C6: variants seen among roughly 807,000 people sequenced by gnomAD.
The protein encoded by C6 is complement component C6.
In C6, 101 loss-of-function variants were observed where a neutral mutation model predicts 112.9. That is an observed-to-expected ratio of 0.89 (90% CI 0.76 to 1.06). The LOEUF is 1.06. Ranked by LOEUF, C6 falls within the 50% of genes least tolerant of loss-of-function variation. The pLI is 0.00. For missense variants in C6, 1,202 were observed against 1,104.6 expected, an observed-to-expected ratio of 1.09 and a Z score of -1.25; for synonymous variants, 431 against 384.1, an observed-to-expected ratio of 1.12 and a Z score of -1.43.
intron 2 of C6, 146 bp downstream of exon 2, chr5:41,202,942 G>A (rs1444618931): frequency 1.2e-6 from 1 of 830,150 alleles, no homozygotes; most frequent in Non-Finnish European, 2.1e-6. Context: ...CCTCATAAGA[G>A]AGAGACTTCA....
chr5:41,153,204 G>C (rs1746575773), intron 15 of C6, among the ~76,000 whole-genome samples: 1 of 152,116 alleles, frequency 6.6e-6, no homozygotes, highest in African/African-American at 2.4e-5. Flanking sequence ...CCCCTTATTG[G>C]TCTTTCTGTC....
At chr5:41,225,529 C>T (rs112214946) in intron 1 of C6, among the ~76,000 whole-genome samples, 3,676 of 152,182 alleles carry the variant, frequency 0.024, 145 homozygotes, top group African/African-American at 0.083. Context: ...AATAAACATA[C>T]GAATGCATGT....
chr5:41,208,376 A>G (rs1433180581), intron 1 of C6, among the ~76,000 whole-genome samples: 1 of 152,236 alleles, frequency 6.6e-6, no homozygotes, highest in African/African-American at 2.4e-5. Flanking sequence ...AGATCAGAGC[A>G]GAACTGAAGG....
In C6 at chr5:41,176,788, T is replaced by C. The variant is rs1016202958; in HGVS notation, c.928-73A>G. The C allele has an allele frequency of 6.0e-5, 81 of 1,353,072 alleles. No homozygotes were observed. In the African/African-American group the frequency reaches 9.1e-4, roughly 15 times the overall value. The allele number at this position is 1,353,072 out of a possible 1,614,324, so 83.8% of individuals were successfully genotyped here. On this transcript the variant is annotated intron_variant, in intron 7 of 17. Transcript: ENST00000337836. Reference sequence around the variant, plus strand: ...TGAAGTACCTAGCATTTAAATGTCATTGATTTATCATTAGTTTCATTCCCA... The same window carrying C: ...TGAAGTACCTAGCATTTAAATGTCACTGATTTATCATTAGTTTCATTCCCA...
chr5:41,246,040 G>A lies in C6; in HGVS notation c.-21+15154C>T, dbSNP rs537486178. Among the ~76,000 whole-genome samples the A allele has an allele frequency of 5.0e-4, 76 of 152,226 alleles. 2 individuals carry two copies. Among genetic ancestry groups the A allele is most frequent in the East Asian group, 4.2e-3 (22 of 5,180 alleles). On this transcript the variant is annotated intron_variant, in intron 1 of 17. Transcript: ENST00000263413. ...AGAGGTAGATCATCTTAATACCCTC[G>A]AAGGTAGAGATGAGTTGAAGAATTA...
At chr5:41,241,288 G>A (rs1465283324) in intron 1 of C6, among the ~76,000 whole-genome samples, 5 of 152,174 alleles carry the variant, frequency 3.3e-5, no homozygotes. Flanking sequence ...ACAGCTCTCT[G>A]GCAGTGATAA....
chr5:41,171,831 G>T (rs1450269443), intron 9 of C6, among the ~76,000 whole-genome samples: 1 of 151,954 alleles, frequency 6.6e-6, no homozygotes, highest in African/African-American at 2.4e-5. Context: ...TCTGCCCATA[G>T]TCCTTTATAG....
chr5:41,200,924 G>T (rs546557660), intron 3 of C6, among the ~76,000 whole-genome samples: 4 of 99,126 alleles, frequency 4.0e-5, no homozygotes, highest in Admixed American at 1.3e-4. Context: ...TTTTTAGTAC[G>T]AGTTGAGCAT....
intron 1 of C6, among the ~76,000 whole-genome samples, chr5:41,227,190 T>C (rs1013846895): frequency 6.6e-6 from 1 of 152,180 alleles, no homozygotes; most frequent in Non-Finnish European, 1.5e-5. Context: ...TTTTAATTTG[T>C]ATTTCCCTAA....
intron 1 of C6, among the ~76,000 whole-genome samples, chr5:41,226,307 C>T (rs1170919652): frequency 6.6e-6 from 1 of 152,152 alleles, no homozygotes; most frequent in Non-Finnish European, 1.5e-5. Flanking sequence ...TGAACAGACA[C>T]TTCTCAAAAG....
Position 41,181,641 on chromosome 5 carries a change from A to G in C6, c.727-82T>C, listed in dbSNP as rs979589100. The G allele has an allele frequency of 8.7e-6, 10 of 1,147,380 alleles. No homozygotes were observed. In the African/African-American group the frequency reaches 1.2e-4, roughly 14 times the overall value. The allele number at this position is 1,147,380 out of a possible 1,614,324, so 71.1% of individuals were successfully genotyped here. A position where few individuals can be genotyped will look rare whatever the true frequency, so the allele number is the denominator to read the frequency against. ...TGGATATCTAATGAAATGATGATTT[A>G]TTTATTTATGCACTCAGCCAGTATT... On this transcript the variant is annotated intron_variant, in intron 6 of 17. Coordinates refer to ENST00000337836, the MANE Select transcript of C6 (RefSeq NM_000065.5).
intron 1 of C6, among the ~76,000 whole-genome samples, chr5:41,233,448 T>C (rs75983326): frequency 0.058 from 8,835 of 152,172 alleles, 328 homozygotes; most frequent in Non-Finnish European, 0.084. Context: ...AAGGCATAAT[T>C]CTTTTTCACT....
intron 1 of C6, among the ~76,000 whole-genome samples, chr5:41,212,444 C>G (rs1288498953): frequency 1.3e-5 from 2 of 152,100 alleles, no homozygotes; most frequent in African/African-American, 4.8e-5. Context: ...CAAGCGTGAG[C>G]CACCAAGCCC....
Position 41,200,870 on chromosome 5 carries a change from T to TTTG in C6, c.300+685_300+687dup, listed in dbSNP as rs199637102. Among the ~76,000 whole-genome samples, 1,151 of 129,684 alleles carry TTTG rather than the reference T, an allele frequency of 8.9e-3. 22 individuals carry two copies. The highest frequency in any genetic ancestry group is 0.014 in the Admixed American group (173 of 12,168). The allele number at this position is 129,684 out of a possible 152,430, so 85.1% of individuals were successfully genotyped here. A position where few individuals can be genotyped will look rare whatever the true frequency, so the allele number is the denominator to read the frequency against. On this transcript the variant is annotated intron_variant, in intron 3 of 17. Transcript: ENST00000337836. Reference sequence around the variant, plus strand: ...TAAAATCTTGGACTGAAACCCTGTTTTTGTTGTTGTTGTTGTTGTTGTTTT... The same window carrying TTTG: ...TAAAATCTTGGACTGAAACCCTGTTTTTGTTGTTGTTGTTGTTGTTGTTGTTTT...
At chr5:41,260,046 C>T (rs1741946985) in intron 1 of C6, among the ~76,000 whole-genome samples, 1 of 152,158 alleles carries the variant, frequency 6.6e-6, no homozygotes, top group Admixed American at 6.5e-5. Flanking sequence ...TTCAATTTAT[C>T]TACTTATTAT....
intron 7 of C6, among the ~76,000 whole-genome samples, chr5:41,179,723 A>G (rs1182646410): frequency 6.7e-6 from 1 of 149,038 alleles, no homozygotes; most frequent in East Asian, 1.9e-4. Flanking sequence ...TAATTTATAC[A>G]TAAAATGAAT....
chr5:41,256,457 AAAG>A (rs545143861), intron 1 of C6, among the ~76,000 whole-genome samples: 1,780 of 150,702 alleles, frequency 0.012, 17 homozygotes, highest in Non-Finnish European at 0.018. Flanking sequence ...AAAAAAAAAA[AAAG>A]AGTCTTAGAT....
At chr5:41,170,114 C>G (rs562760222) in intron 9 of C6, among the ~76,000 whole-genome samples, 5 of 152,106 alleles carry the variant, frequency 3.3e-5, no homozygotes, top group South Asian at 2.1e-4. Context: ...TCTTATATAA[C>G]ATTTTTTAAA....
chr5:41,207,232 A>G (rs960258666), intron 1 of C6, among the ~76,000 whole-genome samples: 1 of 152,226 alleles, frequency 6.6e-6, no homozygotes, highest in Admixed American at 6.5e-5. Context: ...AGGAAGCACT[A>G]AACATAGAAA....
Sources: gnomAD v4.1 joint callset for allele counts (sites outside exome capture counted in the v4.1 genomes callset) on GRCh38, gnomAD v4.1.1 for gene constraint, MANE v1.5 for transcripts, NCBI Gene and HGNC (gene_info 2026-07-23, HGNC 2026-07-21) for gene names.